Variants in A1CF observed in about 807,000 individuals in gnomAD.
A1CF encodes APOBEC1 complementation factor.
In A1CF, 48 loss-of-function variants were observed where a neutral mutation model predicts 68.9. The observed-to-expected ratio is 0.70, with a 90% CI of 0.55 to 0.89. The LOEUF is 0.89. A1CF is among the 40% of genes least tolerant of loss of function. The pLI, the probability that A1CF is intolerant of heterozygous loss-of-function variation, is 0.00. For synonymous variants in A1CF, 272 were observed against 260.4 expected, an observed-to-expected ratio of 1.04 and a Z score of -0.43; for missense variants, 653 against 718.9, an observed-to-expected ratio of 0.91 and a Z score of 1.05.
chr10:50,807,674 T>C (rs1837898599), intron 12 of A1CF, among the ~76,000 whole-genome samples: 1 of 152,216 alleles, frequency 6.6e-6, no homozygotes, highest in African/African-American at 2.4e-5. Flanking sequence ...GCATATTAGC[T>C]ACTATCTAAA....
At chr10:50,877,583 A>G (rs902151574) in intron 1 of A1CF, among the ~76,000 whole-genome samples, 1 of 152,196 alleles carries the variant, frequency 6.6e-6, no homozygotes, top group African/African-American at 2.4e-5. Flanking sequence ...TTATGTTTCT[A>G]TTTTAAAAGC....
At chr10:50,883,781 C>T (rs577659887) in intron 1 of A1CF, among the ~76,000 whole-genome samples, 4 of 152,254 alleles carry the variant, frequency 2.6e-5, no homozygotes, top group African/African-American at 9.6e-5. Flanking sequence ...CCCCAGTGCT[C>T]GAGCGTATGA....
intron 3 of A1CF, among the ~76,000 whole-genome samples, chr10:50,845,773 G>A (rs181413524): frequency 7.9e-4 from 121 of 152,244 alleles, no homozygotes; most frequent in Admixed American, 1.5e-3. Flanking sequence ...GGCCAACATG[G>A]TGAAACCCCA....
intron 9 of A1CF, among the ~76,000 whole-genome samples, chr10:50,815,651 C>T (rs903827254): frequency 2.6e-5 from 4 of 152,066 alleles, no homozygotes; most frequent in African/African-American, 4.8e-5. Flanking sequence ...TAGTCTATTC[C>T]AGAAGTGTTG....
chr10:50,883,546 A>C (rs748470247), intron 1 of A1CF, among the ~76,000 whole-genome samples: 3 of 152,162 alleles, frequency 2.0e-5, no homozygotes, highest in South Asian at 2.1e-4. Context: ...AGATTTTTCA[A>C]CTGTGATTAT....
chr10:50,880,864 A>G (rs988880412), intron 1 of A1CF, among the ~76,000 whole-genome samples: 4 of 152,196 alleles, frequency 2.6e-5, no homozygotes, highest in Admixed American at 2.0e-4. Context: ...TGTGTTAGTC[A>G]CAGCATCTGG....
At chr10:50,842,184 T>C (rs1039219526) in intron 4 of A1CF, among the ~76,000 whole-genome samples, 192 bp from the exon 5 acceptor site, 11 of 152,238 alleles carry the variant, frequency 7.2e-5, no homozygotes, top group Non-Finnish European at 2.9e-5. Context: ...AGATCAGTTA[T>C]CTGATTCATG....
rs779323278 is a variant in A1CF at position 50,806,515 on chromosome 10, TGTTA to T, written c.*210_*213del. On this transcript the variant is annotated 3_prime_UTR_variant, in exon 13 of 13. Transcript: ENST00000373997. ...TTGGGGCAGTGGCTCTCCAGCTTTCTGTTAAACAAAAGGCTCTTTAACATTTGAT... is the reference window on the plus strand; with the variant it reads ...TTGGGGCAGTGGCTCTCCAGCTTTCTAACAAAAGGCTCTTTAACATTTGAT... 1.1e-5 allele frequency: 4 copies of T among 357,882 alleles called. No individual in the cohort carries two copies. The highest frequency in any genetic ancestry group is 1.9e-5 in the Non-Finnish European group (4 of 212,186). The allele number at this position is 357,882 out of a possible 1,614,324, so 22.2% of individuals were successfully genotyped here. A position where few individuals can be genotyped will look rare whatever the true frequency, so the allele number is the denominator to read the frequency against.
chr10:50,879,863 C>T (rs1841691432), intron 1 of A1CF, among the ~76,000 whole-genome samples: 1 of 152,146 alleles, frequency 6.6e-6, no homozygotes, highest in Admixed American at 6.5e-5. Flanking sequence ...CTCCAAGTCA[C>T]AAAATGGGTC....
At chr10:50,819,172 C>G (rs951914487) in intron 8 of A1CF, among the ~76,000 whole-genome samples, 8 of 152,152 alleles carry the variant, frequency 5.3e-5, no homozygotes, top group African/African-American at 1.7e-4. Context: ...GTTGCCCAGG[C>G]TGGAGTGCAA....
chr10:50,826,129 T>C (rs12259785), intron 7 of A1CF, among the ~76,000 whole-genome samples: 1,733 of 152,194 alleles, frequency 0.011, 27 homozygotes, highest in African/African-American at 0.04. Flanking sequence ...TGAGCAATCA[T>C]TGTACCCCAG....
Position 50,875,343 on chromosome 10 carries a change from A to T in A1CF, c.-94+10238T>A, listed in dbSNP as rs117659927. ...AATGGTTTGTTTCAACTCAGTTTTGATGAGGACTCGCCAATAAGATATTTA... is the reference window on the plus strand; with the variant it reads ...AATGGTTTGTTTCAACTCAGTTTTGTTGAGGACTCGCCAATAAGATATTTA... On this transcript the variant is annotated intron_variant, in intron 1 of 12. Transcript: ENST00000373997. 1.3e-3 allele frequency among the ~76,000 whole-genome samples: 196 copies of T among 152,302 alleles called. 2 individuals carry two copies. The highest frequency in any genetic ancestry group is 0.01 in the East Asian group (52 of 5,182).
At chr10:50,814,475 A>G (rs934308252) in intron 9 of A1CF, among the ~76,000 whole-genome samples, 2 of 152,316 alleles carry the variant, frequency 1.3e-5, no homozygotes, top group Middle Eastern at 3.4e-3. Flanking sequence ...GTCACTGATC[A>G]GTATATCAGA....
intron 4 of A1CF, among the ~76,000 whole-genome samples, chr10:50,842,691 G>A (rs1160735651): frequency 6.6e-6 from 1 of 152,154 alleles, no homozygotes; most frequent in Non-Finnish European, 1.5e-5. Context: ...ATTTCCAGTT[G>A]GTCCTATTCT....
chr10:50,876,277 A>G (rs1217941426), intron 1 of A1CF, among the ~76,000 whole-genome samples: 4 of 152,246 alleles, frequency 2.6e-5, no homozygotes, highest in South Asian at 2.1e-4. Flanking sequence ...ACATCACACA[A>G]GAAACCTACC....
At chr10:50,816,488 T>C in intron 8 of A1CF, 1 of 570,798 alleles carries the variant, frequency 1.8e-6, no homozygotes, top group Non-Finnish European at 3.1e-6. Context: ...TGCCAACAGG[T>C]TTGACAGTGA....
intron 7 of A1CF, among the ~76,000 whole-genome samples, chr10:50,821,613 G>A (rs565684315): frequency 5.3e-5 from 8 of 151,556 alleles, no homozygotes; most frequent in African/African-American, 1.5e-4. Flanking sequence ...TCAGCTCACC[G>A]CAACCCACCC....
chr10:50,850,561 G>A, intron 3 of A1CF: 2 of 1,387,632 alleles, frequency 1.4e-6, no homozygotes, highest in Non-Finnish European at 2.0e-6. Context: ...ACTTATTCGA[G>A]TGTTTTTCAA....
rs1839068840 is a variant in A1CF at position 50,828,311 on chromosome 10, AC to A, written c.605-17del. 4 of 1,522,326 alleles carry A rather than the reference AC, an allele frequency of 2.6e-6. No individual in the cohort carries two copies. Among genetic ancestry groups the A allele is most frequent in the Non-Finnish European group, 3.6e-6 (4 of 1,124,720 alleles). The allele number at this position is 1,522,326 out of a possible 1,614,324, so 94.3% of individuals were successfully genotyped here. Reference sequence around the variant, plus strand: ...TGAATTCTTCCTGTTGAAAATGATCACCATTATGATTAATTATGTAGGAATC... The same window carrying A: ...TGAATTCTTCCTGTTGAAAATGATCACATTATGATTAATTATGTAGGAATC... On this transcript the variant is annotated splice_polypyrimidine_tract_variant and intron_variant, in intron 6 of 12. Coordinates refer to ENST00000373997, the MANE Select transcript of A1CF (RefSeq NM_014576.4).
Sources: gnomAD v4.1 joint callset for allele counts (sites outside exome capture counted in the v4.1 genomes callset) on GRCh38, gnomAD v4.1.1 for gene constraint, MANE v1.5 for transcripts, NCBI Gene and HGNC (gene_info 2026-07-23, HGNC 2026-07-21) for gene names.